Variants in N4BP2 observed in about 807,000 individuals in gnomAD.
The protein encoded by N4BP2 is NEDD4 binding protein 2, also known as NEDD4-binding protein 2.
Under a neutral mutation model 152.8 loss-of-function variants are expected in N4BP2, and 91 were observed. The observed-to-expected ratio is 0.60, with a 90% CI of 0.50 to 0.71. N4BP2 has a LOEUF of 0.71. Among genes scored for constraint, N4BP2 ranks in the 30% least tolerant of loss-of-function variants. The pLI is 0.00. For missense variants in N4BP2, 1,923 were observed against 2,059.1 expected (o/e 0.93, Z 1.28); for synonymous variants, 646 against 705.3 (o/e 0.92, Z 1.33).
At chr4:40,065,744 G>T (rs954813074) in intron 1 of N4BP2, among the ~76,000 whole-genome samples, 1 of 152,092 alleles carries the variant, frequency 6.6e-6, no homozygotes, top group Non-Finnish European at 1.5e-5. Flanking sequence ...TTCTTCCAAT[G>T]CAGGGATTTG....
chr4:40,087,465 A>G (rs1194327818), intron 2 of N4BP2, among the ~76,000 whole-genome samples: 1 of 152,044 alleles, frequency 6.6e-6, no homozygotes, highest in Non-Finnish European at 1.5e-5. Context: ...CTGGATTCAA[A>G]CAATTTTTGT....
At chr4:40,066,609 C>T (rs1195924237) in intron 1 of N4BP2, among the ~76,000 whole-genome samples, 2 of 152,152 alleles carry the variant, frequency 1.3e-5, no homozygotes, top group South Asian at 2.1e-4. Flanking sequence ...TGTGAGCCAC[C>T]GTGCCTAGCC....
chr4:40,142,482 C>A (rs1028203790), intron 14 of N4BP2, 191 bp from the exon 15 acceptor site: 30 of 538,608 alleles, frequency 5.6e-5, no homozygotes, highest in Admixed American at 1.6e-4. Context: ...GTAACCTTAG[C>A]GGCATAAAAA....
chr4:40,190,301 C>T, the N4BP2 span, among the ~76,000 whole-genome samples: 1 of 152,216 alleles, frequency 6.6e-6, no homozygotes, highest in African/African-American at 2.4e-5. Flanking sequence ...GATAAATTCT[C>T]ATTTATCTTA....
At chr4:40,137,691 G>A (rs1719531178) in intron 14 of N4BP2, among the ~76,000 whole-genome samples, 1 of 152,178 alleles carries the variant, frequency 6.6e-6, no homozygotes, top group Non-Finnish European at 1.5e-5. Flanking sequence ...TGCTACCCAA[G>A]TTCACATGGG....
intron 6 of N4BP2, among the ~76,000 whole-genome samples, chr4:40,112,672 C>T (rs1425208853): frequency 1.3e-5 from 2 of 151,354 alleles, no homozygotes; most frequent in African/African-American, 4.8e-5. Flanking sequence ...ACCTAATCCT[C>T]TTCTTGCCCT....
rs115328697 is a variant in N4BP2 at position 40,108,654 on chromosome 4, C to T, written c.1498+1630C>T. On this transcript the variant is annotated intron_variant, in intron 5 of 17. Transcript: ENST00000261435. Reference sequence around the variant, plus strand: ...ATGGAAGATAGTGTGAGAATAAAAACGACTCTCTAAACTGAATCTGTGGGG... The same window carrying T: ...ATGGAAGATAGTGTGAGAATAAAAATGACTCTCTAAACTGAATCTGTGGGG... 4.7e-3 allele frequency among the ~76,000 whole-genome samples: 718 copies of T among 152,112 alleles called. 11 individuals carry two copies. The highest frequency in any genetic ancestry group is 0.016 in the African/African-American group (682 of 41,486).
At position 40,100,517 on chromosome 4, in the gene N4BP2, T is replaced by C. The variant is rs537252261; in HGVS notation, c.230-1558T>C. Reference sequence around the variant, plus strand: ...CTACCTCAGCCTCCTATGTGGCTGGTACTATACGCACATGCTACCACACTG... The same window carrying C: ...CTACCTCAGCCTCCTATGTGGCTGGCACTATACGCACATGCTACCACACTG... On this transcript the variant is annotated intron_variant, in intron 3 of 17. Coordinates refer to ENST00000261435, the MANE Select transcript of N4BP2 (RefSeq NM_018177.6). 4.1e-4 allele frequency among the ~76,000 whole-genome samples: 62 copies of C among 152,044 alleles called. 1 individual carries two copies. Among genetic ancestry groups the C allele is most frequent in the African/African-American group, 1.4e-3 (58 of 41,466 alleles).
the N4BP2 span, among the ~76,000 whole-genome samples, chr4:40,187,308 C>T: frequency 6.6e-6 from 1 of 152,036 alleles, no homozygotes; most frequent in African/African-American, 2.4e-5. Flanking sequence ...ACAAAGCCTA[C>T]ATTCATCCAA....
chr4:40,131,262 G>A (rs988554328), intron 12 of N4BP2, among the ~76,000 whole-genome samples: 5 of 152,172 alleles, frequency 3.3e-5, no homozygotes, highest in Non-Finnish European at 7.4e-5. Flanking sequence ...TATGGACACT[G>A]AGAATCTTTG....
the N4BP2 span, among the ~76,000 whole-genome samples, chr4:40,171,424 C>T: frequency 6.6e-6 from 1 of 152,120 alleles, no homozygotes; most frequent in African/African-American, 2.4e-5. Context: ...TGCAACATGG[C>T]CAGAGAAGCA....
intron 2 of N4BP2, among the ~76,000 whole-genome samples, chr4:40,089,435 C>CTTTTT (rs1281842286): frequency 2.7e-5 from 3 of 111,126 alleles, no homozygotes; most frequent in African/African-American, 3.4e-5. Flanking sequence ...TCAGTTTTGC[C>CTTTTT]TTTTTTTTTT....
At chr4:40,161,938 A>T (rs954271151), downstream of N4BP2, among the ~76,000 whole-genome samples, 1 of 152,200 alleles carries the variant, frequency 6.6e-6, no homozygotes, top group Non-Finnish European at 1.5e-5. Flanking sequence ...GGAGGCCCCC[A>T]TGGCACTGTT....
At chr4:40,161,852 G>A (rs1721869436), downstream of N4BP2, among the ~76,000 whole-genome samples, 1 of 152,194 alleles carries the variant, frequency 6.6e-6, no homozygotes, top group Non-Finnish European at 1.5e-5. Context: ...TGGCTCTGGG[G>A]ATGAATTCCA....
At chr4:40,075,517 C>T (rs1227367916) in intron 2 of N4BP2, among the ~76,000 whole-genome samples, 1 of 152,076 alleles carries the variant, frequency 6.6e-6, no homozygotes. Flanking sequence ...TCTGCCTCAG[C>T]CTCCTCAGTA....
Position 40,102,808 on chromosome 4 carries a change from C to G in N4BP2, c.963C>G (p.Ser321=). The G allele has an allele frequency of 6.2e-7, 1 of 1,614,098 alleles. No homozygotes were observed. The highest frequency in any genetic ancestry group is 8.5e-7 in the Non-Finnish European group (1 of 1,180,016). ...STRVSDVFLP[S]EGFNFKPHKH... ...GGGTCTCTGATGTGTTTCTACCTTC[C>G]GAAGGGTTCAACTTCAAGCCACACA... The change falls in exon 4 of 18, where the codon TCC becomes TCG. Residue 321 remains serine, a synonymous_variant. Transcript: ENST00000261435.
At chr4:40,067,637 C>T (rs529959902) in intron 1 of N4BP2, among the ~76,000 whole-genome samples, 3 of 152,194 alleles carry the variant, frequency 2.0e-5, no homozygotes, top group South Asian at 2.1e-4. Flanking sequence ...AGCCATTGTA[C>T]GTTCCTACCA....
At chr4:40,140,826 C>A (rs1000415380) in intron 14 of N4BP2, among the ~76,000 whole-genome samples, 22 of 151,560 alleles carry the variant, frequency 1.5e-4, no homozygotes, top group African/African-American at 5.3e-4. Flanking sequence ...ATCTGTTTAA[C>A]AAAGCACATC....
chr4:40,102,710 A>G lies in N4BP2; in HGVS notation c.865A>G (p.Ser289Gly). ...FSEAPVDLDA[S>G]EPQACLNLPG... ...TGAAGCTCCTGTAGATTTGGATGCCAGTGAACCTCAGGCTTGTTTAAACCT... is the reference window on the plus strand; with the variant it reads ...TGAAGCTCCTGTAGATTTGGATGCCGGTGAACCTCAGGCTTGTTTAAACCT... Residue 289 changes from serine (S) to glycine (G), a missense_variant, in exon 4 of 18, where the codon AGT becomes GGT. By Grantham distance (56) the Ser-to-Gly change is moderately conservative (BLOSUM62 0). Transcript: ENST00000261435. 6.2e-7 allele frequency: 1 copy of G among 1,614,204 alleles called. No individual in the cohort carries two copies. The highest frequency in any genetic ancestry group is 8.5e-7 in the Non-Finnish European group (1 of 1,180,042).
Sources: allele counts gnomAD v4.1 joint callset (sites outside exome capture counted in the v4.1 genomes callset), GRCh38; gene constraint gnomAD v4.1.1; transcripts MANE v1.5; gene names NCBI Gene and HGNC (gene_info 2026-07-23, HGNC 2026-07-21).